AK8: variants seen among roughly 807,000 people sequenced by gnomAD.
AK8 encodes the protein ATP-AMP transphosphorylase 8.
Under a neutral mutation model 54.6 loss-of-function variants are expected in AK8, and 44 were observed. The observed-to-expected ratio is 0.81, with a 90% CI of 0.63 to 1.04. The LOEUF is 1.04. Ranked by LOEUF, AK8 falls within the 50% of genes least tolerant of loss-of-function variation. AK8 has a pLI of 0.00. For synonymous variants in AK8, 239 were observed against 245.6 expected (o/e 0.97, Z 0.25); for missense variants, 555 against 613.6 (o/e 0.90, Z 1.01).
At chr9:132,746,819 G>C (rs1415877220) in intron 11 of AK8, among the ~76,000 whole-genome samples, 2 of 152,190 alleles carry the variant, frequency 1.3e-5, no homozygotes, top group Non-Finnish European at 2.9e-5. Context: ...GAGGATGAAA[G>C]AAGGGCCAAC....
chr9:132,863,527 A>G (rs1377228241), intron 4 of AK8, 138 bp downstream of exon 4: 1 of 632,564 alleles, frequency 1.6e-6, no homozygotes, highest in Non-Finnish European at 2.8e-6. Flanking sequence ...CCCTGCCTGT[A>G]TCTCATTTTA....
intron 10 of AK8, among the ~76,000 whole-genome samples, chr9:132,812,530 T>TGCCCACTGGGATGACGGGTGAGCCGCTGC (rs1841088347): frequency 1.5e-5 from 2 of 130,644 alleles, no homozygotes; most frequent in African/African-American, 2.8e-5. Context: ...TGAGCTACCG[T>TGCCCACTGGGATGACGGGTGAGCCGCTGC]GCCCACTGGG....
chr9:132,767,127 A>G (rs1280301766), intron 11 of AK8, among the ~76,000 whole-genome samples: 1 of 152,212 alleles, frequency 6.6e-6, no homozygotes, highest in African/African-American at 2.4e-5. Flanking sequence ...AAATAGACAA[A>G]TGGGGCTTAC....
chr9:132,786,752 T>A (rs1039983439), intron 11 of AK8, among the ~76,000 whole-genome samples: 1 of 151,810 alleles, frequency 6.6e-6, no homozygotes. Flanking sequence ...TAATTCAACA[T>A]CTAAGGGTAA....
At chr9:132,874,402 C>T (rs1294759570) in intron 2 of AK8, 1 of 152,366 alleles carries the variant, frequency 6.6e-6, no homozygotes, top group Admixed American at 6.5e-5. Flanking sequence ...GTACCAAGCA[C>T]TAATTTCACT....
At chr9:132,747,830 C>T (rs1205600714) in intron 11 of AK8, among the ~76,000 whole-genome samples, 1 of 149,848 alleles carries the variant, frequency 6.7e-6, no homozygotes, top group Non-Finnish European at 1.5e-5. Flanking sequence ...ATTATAAAAT[C>T]ACAGGCTGGG....
chr9:132,805,284 TG>T (rs898703388), intron 10 of AK8, among the ~76,000 whole-genome samples: 40 of 152,144 alleles, frequency 2.6e-4, no homozygotes, highest in Non-Finnish European at 1.2e-4. Context: ...AGGGTTGGGT[TG>T]GGTTTCTTTT....
intron 11 of AK8, among the ~76,000 whole-genome samples, chr9:132,762,487 T>C (rs1285219565): frequency 6.6e-6 from 1 of 152,158 alleles, no homozygotes; most frequent in Admixed American, 6.5e-5. Context: ...TAGAGGCCTC[T>C]AGTCAGCTCT....
At position 132,803,462 on chromosome 9, in the gene AK8, G is replaced by A. The variant is rs907804321; in HGVS notation, c.980-10687C>T. ...CCATTACTACCACTAAGATGATGACGATGGCAACTCCATTCTTGATAATAA... is the reference window on the plus strand; with the variant it reads ...CCATTACTACCACTAAGATGATGACAATGGCAACTCCATTCTTGATAATAA... On this transcript the variant is annotated intron_variant, in intron 10 of 12. Coordinates refer to ENST00000298545, the MANE Select transcript of AK8 (RefSeq NM_152572.3). The surrounding 1 kb of genome is among the most constrained non-coding windows in gnomAD (Gnocchi z 4.4). 2.6e-5 allele frequency among the ~76,000 whole-genome samples: 4 copies of A among 152,264 alleles called. No individual in the cohort carries two copies. The highest frequency in any genetic ancestry group is 3.9e-4 in the East Asian group (2 of 5,186).
intron 10 of AK8, among the ~76,000 whole-genome samples, chr9:132,813,964 A>G (rs1841196149): frequency 6.6e-6 from 1 of 152,184 alleles, no homozygotes; most frequent in African/African-American, 2.4e-5. Flanking sequence ...TGCCCACAGT[A>G]TTTTTATATA....
intron 11 of AK8, among the ~76,000 whole-genome samples, chr9:132,779,699 G>C (rs1839378653): frequency 6.6e-6 from 1 of 151,454 alleles, no homozygotes; most frequent in African/African-American, 2.4e-5. Context: ...GAGGTTAAAA[G>C]AGTAGAGATT....
At chr9:132,738,648 A>G (rs1837226558) in intron 11 of AK8, among the ~76,000 whole-genome samples, 1 of 152,062 alleles carries the variant, frequency 6.6e-6, no homozygotes, top group Non-Finnish European at 1.5e-5. Context: ...CTTGGGCAAC[A>G]TCTCGTTTGA....
rs766499978 is a variant in AK8, at chr9:132,826,839, C to T, written c.757+15G>A. ...TGGCCGTCTGTCCAGGGTGGGGCTG[C>T]CTGCTTGTGTTTACCCTGGTAGAAG... is the stretch of plus-strand genomic sequence containing the variant. On this transcript the variant is annotated intron_variant, in intron 8 of 12. Transcript: ENST00000298545. The surrounding 1 kb of genome is among the most constrained non-coding windows in gnomAD (Gnocchi z 4.5). 6.2e-7 allele frequency: 1 copy of T among 1,613,910 alleles called. No individual in the cohort carries two copies. Among genetic ancestry groups the T allele is most frequent in the South Asian group, 1.1e-5 (1 of 91,068 alleles).
intron 11 of AK8, among the ~76,000 whole-genome samples, chr9:132,789,590 C>T (rs1839857712): frequency 1.3e-5 from 1 of 75,438 alleles, no homozygotes; most frequent in Admixed American, 2.3e-4. Context: ...GAGTGATACT[C>T]ATCTCACAAA....
chr9:132,807,644 C>T (rs961864803), intron 10 of AK8, among the ~76,000 whole-genome samples: 2 of 152,118 alleles, frequency 1.3e-5, no homozygotes, highest in Admixed American at 1.3e-4. Flanking sequence ...ATCAACAGTC[C>T]CTGGACCCTA....
At chr9:132,774,266 G>C (rs982883688) in intron 11 of AK8, among the ~76,000 whole-genome samples, 4 of 152,148 alleles carry the variant, frequency 2.6e-5, no homozygotes, top group Non-Finnish European at 5.9e-5. Flanking sequence ...GCTCATGGGG[G>C]GGTTGGGGGT....
chr9:132,867,087 A>T, intron 2 of AK8, 134 bp from the exon 3 acceptor site: 1 of 790,552 alleles, frequency 1.3e-6, no homozygotes, highest in Non-Finnish European at 2.2e-6. Context: ...TTTGTAACCC[A>T]GCAGCTCAGA....
chr9:132,816,332 G>A (rs1197315953), intron 9 of AK8, among the ~76,000 whole-genome samples: 1 of 150,740 alleles, frequency 6.6e-6, no homozygotes, highest in Non-Finnish European at 1.5e-5. Context: ...TCCAGCCTGG[G>A]TGACAGAGGG....
At chr9:132,812,575 G>GAGCCACCGCGCCCACTGGGAT (rs1393906046) in intron 10 of AK8, among the ~76,000 whole-genome samples, 1 of 134,772 alleles carries the variant, frequency 7.4e-6, no homozygotes, top group South Asian at 2.2e-4. Context: ...GCCGCTAGGT[G>GAGCCACCGCGCCCACTGGGAT]GATTTGAAGA....
Sources: gnomAD v4.1 joint callset for allele counts (sites outside exome capture counted in the v4.1 genomes callset) on GRCh38, gnomAD v4.1.1 for gene constraint, Gnocchi (gnomAD v3.1) non-coding constraint, MANE v1.5 for transcripts, NCBI Gene and HGNC (gene_info 2026-07-23, HGNC 2026-07-21) for gene names.